CPNE4: variants seen among roughly 807,000 people sequenced by gnomAD.
CPNE4 encodes the protein copine 4, also known as copine-4.
CPNE4 carries 25 observed loss-of-function variants against 67.9 expected under a neutral mutation model. The ratio of observed to expected loss-of-function variants is 0.37; its 90% confidence interval spans 0.27 to 0.51. The LOEUF (loss-of-function observed/expected upper bound fraction) is 0.51. Among genes scored for constraint, CPNE4 ranks in the 20% least tolerant of loss-of-function variants. CPNE4 has a pLI of 0.93. For missense variants in CPNE4, 464 were observed against 690.8 expected, an observed-to-expected ratio of 0.67 and a Z score of 3.68; for synonymous variants, 242 against 244.9, an observed-to-expected ratio of 0.99 and a Z score of 0.11.
At chr3:131,923,301 A>C (rs993853983) in intron 1 of CPNE4, among the ~76,000 whole-genome samples, 12 of 152,246 alleles carry the variant, frequency 7.9e-5, no homozygotes, top group African/African-American at 2.7e-4. Context: ...GTCACCAAAC[A>C]TTCTATCTGC....
chr3:132,033,490 G>C (rs569567441), intron 1 of CPNE4, among the ~76,000 whole-genome samples: 20 of 151,822 alleles, frequency 1.3e-4, no homozygotes, highest in Middle Eastern at 3.4e-3. Context: ...CGCTTCCCTA[G>C]CCCCCTCCCG....
chr3:131,806,859 C>T (rs1426524499), intron 2 of CPNE4, among the ~76,000 whole-genome samples: 1 of 152,134 alleles, frequency 6.6e-6, no homozygotes, highest in Admixed American at 6.6e-5. Flanking sequence ...AAAAACCTAA[C>T]ATCCATTCTG....
chr3:131,848,646 T>C (rs1014993400), intron 2 of CPNE4, among the ~76,000 whole-genome samples: 3 of 143,824 alleles, frequency 2.1e-5, no homozygotes, highest in African/African-American at 7.7e-5. Context: ...TCTTAGGTGA[T>C]TAGTAATTAA....
At chr3:131,994,826 T>C (rs762284851) in intron 1 of CPNE4, among the ~76,000 whole-genome samples, 1 of 152,228 alleles carries the variant, frequency 6.6e-6, no homozygotes, top group Admixed American at 6.5e-5. Flanking sequence ...AAGCATTTAA[T>C]CAATGTTAAA....
chr3:131,743,550 C>A lies in CPNE4; in HGVS notation c.181-19925G>T, dbSNP rs961128735. Among the ~76,000 whole-genome samples the A allele has an allele frequency of 4.7e-4, 72 of 151,996 alleles. 1 individual carries two copies. The highest frequency in any genetic ancestry group is 1.0e-4 in the Non-Finnish European group (7 of 68,006). On this transcript the variant is annotated intron_variant, in intron 2 of 15. Coordinates refer to ENST00000429747, the MANE Select transcript of CPNE4 (RefSeq NM_130808.3). ...ATTGGCAAAAGCATCCAGTGGTGCA[C>A]ACAAAAATACACTATGATCAAATAG... is the stretch of plus-strand genomic sequence containing the variant.
At chr3:131,630,595 T>C (rs1420527061) in intron 7 of CPNE4, among the ~76,000 whole-genome samples, 2 of 152,078 alleles carry the variant, frequency 1.3e-5, no homozygotes, top group African/African-American at 2.4e-5. Context: ...TTTTAAACAA[T>C]GAAAATAAAA....
intron 2 of CPNE4, among the ~76,000 whole-genome samples, chr3:131,814,576 T>TAAGAGTGCC (rs2084659870): frequency 1.7e-4 from 1 of 5,958 alleles, no homozygotes. Flanking sequence ...AATGCAATTT[T>TAAGAGTGCC]TTTTTTTTTT....
intron 1 of CPNE4, among the ~76,000 whole-genome samples, chr3:132,024,700 C>T (rs1480612073): frequency 6.6e-6 from 1 of 152,160 alleles, no homozygotes; most frequent in Non-Finnish European, 1.5e-5. Flanking sequence ...TAGTACAGCA[C>T]ATTACATGAT....
chr3:132,005,938 C>A (rs1389069093), intron 1 of CPNE4, among the ~76,000 whole-genome samples: 1 of 152,090 alleles, frequency 6.6e-6, no homozygotes. Context: ...GTACTTTTAA[C>A]AGCCGTATGA....
chr3:131,919,895 T>C (rs1261835388), intron 1 of CPNE4, among the ~76,000 whole-genome samples: 1 of 152,134 alleles, frequency 6.6e-6, no homozygotes, highest in Non-Finnish European at 1.5e-5. Flanking sequence ...AAAATTTAAT[T>C]AAAAGAAAGC....
intron 2 of CPNE4, among the ~76,000 whole-genome samples, chr3:131,807,029 G>C (rs1487118449): frequency 6.6e-6 from 1 of 152,190 alleles, no homozygotes; most frequent in Non-Finnish European, 1.5e-5. Flanking sequence ...ATAACACCAG[G>C]ACAAGGGACC....
At chr3:131,890,460 T>C (rs1459020411) in intron 2 of CPNE4, among the ~76,000 whole-genome samples, 2 of 151,212 alleles carry the variant, frequency 1.3e-5, no homozygotes, top group African/African-American at 2.4e-5. Context: ...ATTAGTGAGA[T>C]TGTGGAGAAA....
At chr3:131,912,077 C>T (rs923422530) in intron 1 of CPNE4, among the ~76,000 whole-genome samples, 5 of 147,090 alleles carry the variant, frequency 3.4e-5, no homozygotes, top group African/African-American at 1.3e-4. Flanking sequence ...GATTTAAATC[C>T]TCTTTGTTGC....
intron 1 of CPNE4, among the ~76,000 whole-genome samples, chr3:131,915,399 A>G (rs2089146828): frequency 6.6e-6 from 1 of 152,178 alleles, no homozygotes; most frequent in Non-Finnish European, 1.5e-5. Context: ...TCTATATGTA[A>G]TGGTAGCTTC....
intron 11 of CPNE4, among the ~76,000 whole-genome samples, chr3:131,557,146 T>C (rs567152069): frequency 2.7e-4 from 41 of 152,236 alleles, no homozygotes; most frequent in African/African-American, 9.9e-4. Context: ...AATAAGACCC[T>C]CTTTAATCGA....
intron 7 of CPNE4, among the ~76,000 whole-genome samples, chr3:131,633,661 T>C (rs933732475): frequency 9.9e-5 from 15 of 152,166 alleles, no homozygotes; most frequent in Non-Finnish European, 2.1e-4. Flanking sequence ...TTGTGTGATA[T>C]GGCTAAAAGT....
chr3:131,792,696 C>CACACGTGTATATATGT (rs1560322840), intron 2 of CPNE4, among the ~76,000 whole-genome samples: 47 of 44,494 alleles, frequency 1.1e-3, no homozygotes, highest in South Asian at 2.3e-3. Context: ...TGTATATATA[C>CACACGTGTATATATGT]ATATACACAC....
intron 2 of CPNE4, among the ~76,000 whole-genome samples, chr3:131,756,618 C>T (rs577228745): frequency 6.6e-6 from 1 of 152,346 alleles, no homozygotes; most frequent in African/African-American, 2.4e-5. Context: ...AGGATCACCC[C>T]AGTGGAGACA....
intron 1 of CPNE4, among the ~76,000 whole-genome samples, chr3:131,919,128 G>A (rs1458365845): frequency 6.6e-6 from 1 of 152,140 alleles, no homozygotes; most frequent in East Asian, 1.9e-4. Flanking sequence ...AGCAACTTAA[G>A]TCAGGTATAT....
Sources: gnomAD v4.1 joint callset for allele counts (sites outside exome capture counted in the v4.1 genomes callset) on GRCh38, gnomAD v4.1.1 for gene constraint, MANE v1.5 for transcripts, NCBI Gene and HGNC (gene_info 2026-07-23, HGNC 2026-07-21) for gene names.